PARD3B: variants seen among roughly 807,000 people sequenced by gnomAD.
PARD3B encodes par-3 family cell polarity regulator beta, also known as partitioning defective 3 homolog B.
PARD3B carries 103 observed loss-of-function variants against 130.2 expected under a neutral mutation model. The observed-to-expected ratio is 0.79, with a 90% confidence interval of 0.67 to 0.93. PARD3B has a LOEUF of 0.93. Among genes scored for constraint, PARD3B ranks in the 40% least tolerant of loss-of-function variants. The probability of loss-of-function intolerance (pLI) is 0.00; values close to 1 mark genes in which losing one functional copy is unlikely to be tolerated. For missense variants in PARD3B, 1,609 were observed against 1,499.2 expected, an observed-to-expected ratio of 1.07 and a Z score of -1.21; for synonymous variants, 583 against 553.2, an observed-to-expected ratio of 1.05 and a Z score of -0.76.
intron 18 of PARD3B, among the ~76,000 whole-genome samples, chr2:205,310,719 C>CTTTTTTTTTTTTTT (rs34032930): frequency 3.3e-4 from 27 of 82,592 alleles, no homozygotes; most frequent in Admixed American, 5.4e-4. Context: ...TTCTTTCTTT[C>CTTTTTTTTTTTTTT]TTTTTTTTTT....
At chr2:204,791,273 A>G (rs962269569) in intron 2 of PARD3B, among the ~76,000 whole-genome samples, 1 of 152,164 alleles carries the variant, frequency 6.6e-6, no homozygotes, top group African/African-American at 2.4e-5. Flanking sequence ...CATAGCAATT[A>G]CTTTTGATCT....
At chr2:205,008,830 G>A (rs928681020) in intron 3 of PARD3B, among the ~76,000 whole-genome samples, 3 of 152,150 alleles carry the variant, frequency 2.0e-5, no homozygotes, top group African/African-American at 7.2e-5. Context: ...CAATCTGTGT[G>A]TCAAAGAGGC....
chr2:205,148,976 G>A (rs1303125730), intron 10 of PARD3B, among the ~76,000 whole-genome samples: 1 of 152,140 alleles, frequency 6.6e-6, no homozygotes, highest in Non-Finnish European at 1.5e-5. Flanking sequence ...GAAATTGGAT[G>A]TTGGCCCTGT....
rs140132258 is a variant in PARD3B at position 205,186,464 on chromosome 2, G to A, written c.2024+601G>A. ...AATTCATAGATTTTGTTCTTCTGAT[G>A]AGTTTTAAAAATCATTAAATTGTCC... On this transcript the variant is annotated intron_variant, in intron 14 of 22. Coordinates refer to ENST00000406610, the MANE Select transcript of PARD3B (RefSeq NM_001302769.2). Among the ~76,000 whole-genome samples the A allele has an allele frequency of 3.4e-3, 517 of 152,172 alleles. 3 individuals carry two copies. The highest frequency in any genetic ancestry group is 0.011 in the African/African-American group (469 of 41,534).
intron 5 of PARD3B, among the ~76,000 whole-genome samples, chr2:205,110,752 G>T (rs1236055120): frequency 1.3e-5 from 2 of 150,524 alleles, no homozygotes; most frequent in African/African-American, 4.9e-5. Context: ...TTATTTTCTG[G>T]CTACTATACT....
At chr2:205,398,623 C>T (rs758371270) in intron 18 of PARD3B, among the ~76,000 whole-genome samples, 19 of 152,196 alleles carry the variant, frequency 1.2e-4, no homozygotes, top group Non-Finnish European at 2.4e-4. Context: ...GAGAAACATG[C>T]AGAATACTGG....
At chr2:204,608,381 C>G (rs949543939) in intron 1 of PARD3B, among the ~76,000 whole-genome samples, 1 of 152,158 alleles carries the variant, frequency 6.6e-6, no homozygotes, top group East Asian at 1.9e-4. Flanking sequence ...TCTGCCCTTT[C>G]CCATTCTTCT....
In PARD3B at chr2:205,358,638, C is replaced by G. The variant is rs529056984; in HGVS notation, c.2631-42375C>G. Among the ~76,000 whole-genome samples, 67 of 152,296 alleles carry G rather than the reference C, an allele frequency of 4.4e-4. 1 individual carries two copies. Among genetic ancestry groups the G allele is most frequent in the African/African-American group, 7.7e-4 (32 of 41,574 alleles). ...TATTGTCCTCTGCATTTTTCTCAAG[C>G]TTGAGCTTATTCTCAGATTTAACCC... On this transcript the variant is annotated intron_variant, in intron 18 of 22. Coordinates refer to ENST00000406610, the MANE Select transcript of PARD3B (RefSeq NM_001302769.2).
At chr2:204,770,853 C>T (rs2041340615) in intron 2 of PARD3B, among the ~76,000 whole-genome samples, 1 of 151,982 alleles carries the variant, frequency 6.6e-6, no homozygotes, top group African/African-American at 2.4e-5. Flanking sequence ...AGTTGTTTTG[C>T]CATTGACCAA....
intron 2 of PARD3B, among the ~76,000 whole-genome samples, chr2:204,884,857 A>G: frequency 6.6e-6 from 1 of 152,316 alleles, no homozygotes; most frequent in Admixed American, 6.5e-5. Flanking sequence ...TATATGTACC[A>G]TATTTTCTTT....
chr2:205,296,663 A>ATGTGTG lies in PARD3B; in HGVS notation c.2186-3837_2186-3832dup, dbSNP rs3048084. On this transcript the variant is annotated intron_variant, in intron 16 of 22. Transcript: ENST00000406610. ...CTTTAGTCTTGGAGTGTGTTTGTGTATGTGTGTGTGTGTGTGTGTGTGTGT... is the reference window on the plus strand; with the variant it reads ...CTTTAGTCTTGGAGTGTGTTTGTGTATGTGTGTGTGTGTGTGTGTGTGTGTGTGTGT... Among the ~76,000 whole-genome samples the ATGTGTG allele has an allele frequency of 8.8e-3, 1,210 of 138,014 alleles. 17 individuals are homozygous for ATGTGTG. The highest frequency in any genetic ancestry group is 0.024 in the African/African-American group (906 of 38,320). The allele number at this position is 138,014 out of a possible 152,430, so 90.5% of individuals were successfully genotyped here.
chr2:205,067,877 A>G (rs978838078), intron 4 of PARD3B, among the ~76,000 whole-genome samples: 4 of 152,158 alleles, frequency 2.6e-5, no homozygotes, highest in African/African-American at 7.2e-5. Context: ...TTTGGCCATG[A>G]TGCATTCTGT....
chr2:205,380,629 G>GTATATATTATATAT (rs2045339187), intron 18 of PARD3B, among the ~76,000 whole-genome samples: 2 of 73,234 alleles, frequency 2.7e-5, no homozygotes, highest in Non-Finnish European at 4.5e-5. Flanking sequence ...ATTATATAAA[G>GTATATATTATATAT]AATATTATAT....
intron 1 of PARD3B, among the ~76,000 whole-genome samples, chr2:204,591,884 G>A (rs2033087260): frequency 6.6e-6 from 1 of 152,202 alleles, no homozygotes; most frequent in African/African-American, 2.4e-5. Flanking sequence ...TAGATAATGT[G>A]TCTTATGAAG....
rs998211787 is a variant in PARD3B at position 205,298,967 on chromosome 2, C to T, written c.2186-1563C>T. Among the ~76,000 whole-genome samples the T allele has an allele frequency of 3.9e-5, 6 of 152,104 alleles. 1 individual carries two copies. Among genetic ancestry groups the T allele is most frequent in the African/African-American group, 9.7e-5 (4 of 41,426 alleles). On this transcript the variant is annotated intron_variant, in intron 16 of 22. Coordinates refer to ENST00000406610, the MANE Select transcript of PARD3B (RefSeq NM_001302769.2). Reference sequence around the variant, plus strand: ...ATGCTGTGTGCCTCAATTTCTGAATCTGTAAAATGGGGCTAAAAGTAGTAC... The same window carrying T: ...ATGCTGTGTGCCTCAATTTCTGAATTTGTAAAATGGGGCTAAAAGTAGTAC...
intron 2 of PARD3B, among the ~76,000 whole-genome samples, chr2:204,956,307 G>A (rs1013345120): frequency 6.6e-6 from 1 of 152,166 alleles, no homozygotes; most frequent in Non-Finnish European, 1.5e-5. Flanking sequence ...TAGGGAAGGA[G>A]GGAAAATGAA....
At chr2:205,486,809 G>A (rs940676006) in intron 20 of PARD3B, among the ~76,000 whole-genome samples, 1 of 152,074 alleles carries the variant, frequency 6.6e-6, no homozygotes, top group Non-Finnish European at 1.5e-5. Context: ...TGGGGATTAC[G>A]ATTCAACATG....
At chr2:205,186,515 G>C (rs1183015333) in intron 14 of PARD3B, among the ~76,000 whole-genome samples, 2 of 152,014 alleles carry the variant, frequency 1.3e-5, no homozygotes, top group Admixed American at 6.6e-5. Flanking sequence ...TATTTACTAT[G>C]GCTGTTAGAA....
chr2:205,497,050 G>T (rs1279630667), intron 20 of PARD3B, among the ~76,000 whole-genome samples: 2 of 151,940 alleles, frequency 1.3e-5, no homozygotes, highest in African/African-American at 2.4e-5. Flanking sequence ...AAAATAGACT[G>T]TGCTGCTTTT....
Sources: gnomAD v4.1 joint callset for allele counts (sites outside exome capture counted in the v4.1 genomes callset) on GRCh38, gnomAD v4.1.1 for gene constraint, MANE v1.5 for transcripts, NCBI Gene and HGNC (gene_info 2026-07-23, HGNC 2026-07-21) for gene names.